PTPRD: variants seen among roughly 807,000 people sequenced by gnomAD.
PTPRD encodes the protein protein tyrosine phosphatase receptor type D.
PTPRD carries 34 observed loss-of-function variants against 214.5 expected under a neutral mutation model. That is an observed-to-expected ratio of 0.16 (90% CI 0.12 to 0.21). The LOEUF is 0.21. Among genes scored for constraint, PTPRD ranks in the 10% least tolerant of loss-of-function variants. The pLI, the probability that PTPRD is intolerant of heterozygous loss-of-function variation, is 1.00. For missense variants in PTPRD, 2,545 were observed against 2,398.7 expected (o/e 1.06, Z -1.27); for synonymous variants, 1,128 against 845.7 (o/e 1.33, Z -5.79).
chr9:9,081,885 G>T lies in PTPRD; in HGVS notation c.-142-63150C>A, dbSNP rs150914028. ...ATTCCTCCATGCCTTTATTTTGAGC[G>T]TATGTGTGTCTTTGCACGTGAGGTG... On this transcript the variant is annotated intron_variant, in intron 10 of 45. Coordinates refer to ENST00000381196, the MANE Select transcript of PTPRD (RefSeq NM_002839.4). Among the ~76,000 whole-genome samples the T allele has an allele frequency of 5.3e-4, 79 of 149,242 alleles. 2 individuals are homozygous for T. In the East Asian group the frequency reaches 0.015, roughly 28 times the overall value.
At chr9:9,616,609 G>C (rs922213708) in intron 7 of PTPRD, among the ~76,000 whole-genome samples, 2 of 152,100 alleles carry the variant, frequency 1.3e-5, no homozygotes, top group Non-Finnish European at 1.5e-5. Flanking sequence ...GCTGCTAAGA[G>C]TTTTAAGAGA....
At chr9:8,693,268 T>A (rs747175038) in intron 12 of PTPRD, among the ~76,000 whole-genome samples, 17 of 152,166 alleles carry the variant, frequency 1.1e-4, no homozygotes, top group Non-Finnish European at 1.8e-4. Context: ...AGTTGAGTAG[T>A]GGAACACCTC....
intron 3 of PTPRD, among the ~76,000 whole-genome samples, chr9:10,095,071 G>A (rs1047033734): frequency 1.3e-5 from 2 of 151,172 alleles, no homozygotes; most frequent in African/African-American, 2.4e-5. Context: ...AGAAAACTAT[G>A]CACAATTTTC....
chr9:9,583,377 T>C (rs1044909709), intron 7 of PTPRD, among the ~76,000 whole-genome samples: 3 of 152,060 alleles, frequency 2.0e-5, no homozygotes, highest in African/African-American at 7.2e-5. Flanking sequence ...AAAATCTTAT[T>C]AAAATGTTTG....
chr9:8,809,112 A>T (rs2096748854), intron 11 of PTPRD, among the ~76,000 whole-genome samples: 1 of 152,164 alleles, frequency 6.6e-6, no homozygotes, highest in Non-Finnish European at 1.5e-5. Context: ...ACTTGAAAAC[A>T]GATCTCCTCA....
intron 22 of PTPRD, among the ~76,000 whole-genome samples, chr9:8,506,106 C>A (rs944175525): frequency 1.3e-5 from 2 of 152,148 alleles, no homozygotes; most frequent in African/African-American, 4.8e-5. Context: ...TGGAATAAAA[C>A]AGAAGTTTAC....
At chr9:10,502,397 A>G (rs1380476835) in intron 2 of PTPRD, among the ~76,000 whole-genome samples, 3 of 152,010 alleles carry the variant, frequency 2.0e-5, no homozygotes, top group African/African-American at 4.8e-5. Flanking sequence ...CCCAAGAATC[A>G]CATAAATATG....
chr9:9,455,426 A>T (rs2092848905), intron 8 of PTPRD, among the ~76,000 whole-genome samples: 1 of 151,656 alleles, frequency 6.6e-6, no homozygotes, highest in African/African-American at 2.4e-5. Context: ...GTAAAATATA[A>T]CATCATAACA....
chr9:10,455,801 A>G (rs2098910671), intron 2 of PTPRD, among the ~76,000 whole-genome samples: 1 of 151,850 alleles, frequency 6.6e-6, no homozygotes, highest in Non-Finnish European at 1.5e-5. Context: ...TTATAAGGAA[A>G]AAACTATTAC....
chr9:9,318,693 T>G (rs1362262351), intron 9 of PTPRD, among the ~76,000 whole-genome samples: 1 of 152,208 alleles, frequency 6.6e-6, no homozygotes, highest in Non-Finnish European at 1.5e-5. Context: ...AATTATAGCC[T>G]ATGTTTTTTA....
intron 9 of PTPRD, among the ~76,000 whole-genome samples, chr9:9,387,500 T>G (rs2064266808): frequency 6.6e-6 from 1 of 152,182 alleles, no homozygotes; most frequent in African/African-American, 2.4e-5. Flanking sequence ...TTCAACCTTA[T>G]TTTTGAAGGG....
chr9:10,364,843 A>C (rs1179271893), intron 2 of PTPRD, among the ~76,000 whole-genome samples: 1 of 152,168 alleles, frequency 6.6e-6, no homozygotes, highest in Non-Finnish European at 1.5e-5. Flanking sequence ...GTAGCTCACT[A>C]AAATTTCAGA....
intron 2 of PTPRD, among the ~76,000 whole-genome samples, chr9:10,546,410 G>A (rs550341853): frequency 6.6e-6 from 1 of 152,132 alleles, no homozygotes; most frequent in Admixed American, 6.6e-5. Context: ...GTAATTTTCT[G>A]AAAAGCCTCA....
intron 7 of PTPRD, among the ~76,000 whole-genome samples, chr9:9,681,724 A>T (rs1361617020): frequency 6.6e-6 from 1 of 151,808 alleles, no homozygotes; most frequent in African/African-American, 2.4e-5. Flanking sequence ...TCATTTTAAT[A>T]ACAGAAAATT....
intron 2 of PTPRD, among the ~76,000 whole-genome samples, chr9:10,375,521 G>A (rs908053586): frequency 6.6e-6 from 1 of 152,100 alleles, no homozygotes; most frequent in African/African-American, 2.4e-5. Context: ...AATCAGACAT[G>A]CGATGAATCC....
chr9:8,503,104 T>A (rs1288866173), intron 23 of PTPRD, among the ~76,000 whole-genome samples: 2 of 151,990 alleles, frequency 1.3e-5, no homozygotes, highest in African/African-American at 4.8e-5. Context: ...AGATTAAACA[T>A]GATCCTAATC....
intron 2 of PTPRD, among the ~76,000 whole-genome samples, chr9:10,428,487 G>A (rs1463192771): frequency 1.3e-5 from 2 of 151,800 alleles, no homozygotes; most frequent in African/African-American, 4.8e-5. Context: ...TTACCTTTTT[G>A]TCTCAATGCT....
At chr9:8,928,444 A>T (rs538879847) in intron 11 of PTPRD, among the ~76,000 whole-genome samples, 1 of 152,156 alleles carries the variant, frequency 6.6e-6, no homozygotes, top group Non-Finnish European at 1.5e-5. Flanking sequence ...TCCCAACACC[A>T]TTTATTAAAC....
chr9:8,793,330 G>A (rs1036985557), intron 11 of PTPRD, among the ~76,000 whole-genome samples: 15 of 152,114 alleles, frequency 9.9e-5, no homozygotes, highest in African/African-American at 3.4e-4. Context: ...AGGAATTGAG[G>A]GTTCCTTGGT....
Sources: allele counts gnomAD v4.1 joint callset (sites outside exome capture counted in the v4.1 genomes callset), GRCh38; gene constraint gnomAD v4.1.1; transcripts MANE v1.5; gene names NCBI Gene and HGNC (gene_info 2026-07-23, HGNC 2026-07-21).